ZIC3: variants seen among roughly 807,000 people sequenced by gnomAD.
ZIC3 encodes the protein Zic family zinc finger 3.
A neutral mutation model predicts 18.3 loss-of-function variants in ZIC3; 6 were observed. The observed-to-expected ratio is 0.33, with a 90% confidence interval of 0.18 to 0.65. The LOEUF (loss-of-function observed/expected upper bound fraction) is 0.65, where lower values mean the gene tolerates loss of function less well. Among genes scored for constraint, ZIC3 ranks in the 30% least tolerant of loss-of-function variants. The probability of loss-of-function intolerance (pLI) is 0.75; values close to 1 mark genes in which losing one functional copy is unlikely to be tolerated. For missense variants in ZIC3, 260 were observed against 410.0 expected, an observed-to-expected ratio of 0.63 and a Z score of 3.16; for synonymous variants, 175 against 177.0, an observed-to-expected ratio of 0.99 and a Z score of 0.09.
At chrX:137,572,945 A>C (rs754485050), downstream of ZIC3, among the ~76,000 whole-genome samples, 56 of 110,531 alleles carry the variant, frequency 5.1e-4, no homozygotes, top group Non-Finnish European at 9.1e-4. Flanking sequence ...CCTGTACATG[A>C]TTACCTCTAA....
chrX:137,569,942 G>A lies in ZIC3; in HGVS notation c.1276G>A (p.Glu426Lys). The change falls in exon 3 of 3, where the codon GAA becomes AAA. Residue 426 changes from glutamate to lysine, a missense_variant. Glu to Lys is a moderately conservative substitution (Grantham distance 56). This residue lies in a region of ZIC3 where 52 missense variants were observed against 111.5 expected (regional missense o/e 0.47). Coordinates refer to ENST00000287538, the MANE Select transcript of ZIC3 (RefSeq NM_003413.4). ...DSSPAASSGY[E>K]SSTPPAIASA... is the part of the protein sequence containing the mutation. ...CTCCCCTGCTGCCAGTTCAGGCTAT[G>A]AATCTTCCACTCCACCCGCTATAGC... 8.3e-7 allele frequency: 1 copy of A among 1,211,577 alleles called. No individual in the cohort carries two copies. The highest frequency in any genetic ancestry group is 1.8e-5 in the South Asian group (1 of 56,923).
Position 137,571,210 on chromosome X carries a change from G to T in ZIC3, c.*1140G>T, listed in dbSNP as rs184391484. ...CCTGCCCTACATATATAAACATAAGGTAACCTACTGAATTTTATGTCCCTT... is the reference window on the plus strand; with the variant it reads ...CCTGCCCTACATATATAAACATAAGTTAACCTACTGAATTTTATGTCCCTT... On this transcript the variant is annotated 3_prime_UTR_variant, in exon 3 of 3. Coordinates refer to ENST00000287538, the MANE Select transcript of ZIC3 (RefSeq NM_003413.4). 4.5e-5 allele frequency: 5 copies of T among 112,162 alleles called. No individual in the cohort carries two copies. The East Asian group carries it at 1.4e-3, about 31-fold the overall frequency. The allele number at this position is 112,162 out of a possible 1,213,427, so 9.2% of individuals were successfully genotyped here.
intron 1 of ZIC3, among the ~76,000 whole-genome samples, chrX:137,568,380 A>ATCTG (rs1348795469): frequency 1.8e-5 from 2 of 108,572 alleles, no homozygotes; most frequent in African/African-American, 3.4e-5. Context: ...CTATCTATCT[A>ATCTG]TCTATATTTT....
chrX:137,566,900 A>T lies in ZIC3; in HGVS notation c.209A>T (p.Gln70Leu). ...PAAAHDLSSGQSSAFTPQGSG... is the reference protein window; with the variant it reads ...PAAAHDLSSGLSSAFTPQGSG... ...GCGGCGCACGATCTATCTTCAGGCCAGAGCTCGGCTTTCACGCCGCAGGGT... is the reference window on the plus strand; with the variant it reads ...GCGGCGCACGATCTATCTTCAGGCCTGAGCTCGGCTTTCACGCCGCAGGGT... The change falls in exon 1 of 3, where the codon CAG (glutamine) becomes CTG (leucine). Residue 70 changes from glutamine to leucine, a missense_variant. Transcript: ENST00000287538. 1 of 1,165,063 alleles carries T rather than the reference A, an allele frequency of 8.6e-7. No homozygotes were observed. The highest frequency in any genetic ancestry group is 1.9e-5 in the South Asian group (1 of 52,762).
At chrX:137,573,856 C>A (rs1021825143), downstream of ZIC3, 1 of 112,581 alleles carries the variant, frequency 8.9e-6, no homozygotes, top group African/African-American at 3.2e-5. Flanking sequence ...TGTCCACACA[C>A]CAAGTTCTTG....
At chrX:137,575,723 C>G (rs1241458483), downstream of ZIC3, among the ~76,000 whole-genome samples, 1 of 111,162 alleles carries the variant, frequency 9.0e-6, no homozygotes, top group East Asian at 2.8e-4. Flanking sequence ...CCGTGGGCCA[C>G]CTTGGGAAGG....
chrX:137,566,461 T>G lies in ZIC3; in HGVS notation c.-231T>G. ...TCTCCTCCCTTCTCCTCCCTCCTCC[T>G]CCCCCCGCCAACACCCCCTCCCTGC... is the stretch of plus-strand genomic sequence containing the variant. On this transcript the variant is annotated 5_prime_UTR_variant, in exon 1 of 3. Transcript: ENST00000287538. The G allele has an allele frequency of 5.9e-6, 1 of 169,155 alleles. No individual in the cohort carries two copies. 13.9% of individuals were successfully genotyped at this position (169,155 alleles called of 1,213,427 possible). A position where few individuals can be genotyped will look rare whatever the true frequency, so the allele number is the denominator to read the frequency against.
In ZIC3 at chrX:137,571,872, T is replaced by G. The variant is rs1455112145; in HGVS notation, c.*1802T>G. On this transcript the variant is annotated 3_prime_UTR_variant, in exon 3 of 3. Transcript: ENST00000287538. The stretch of plus-strand genomic sequence containing the variant: ...GAGACCTTTTTTATTAGGGTGCTGT[T>G]TGTTATTGAGAGCCCAATCTCTGCA... Among the ~76,000 whole-genome samples the G allele has an allele frequency of 1.8e-5, 2 of 111,866 alleles. No homozygotes were observed. Among genetic ancestry groups the G allele is most frequent in the Non-Finnish European group, 3.8e-5 (2 of 53,168 alleles).
chrX:137,573,641 C>CG (rs749026071), downstream of ZIC3: 2 of 113,012 alleles, frequency 1.8e-5, no homozygotes, highest in Admixed American at 1.9e-4. Context: ...GTGGAAGAAT[C>CG]GCCAGCAGCG....
chrX:137,567,922 C>T (rs1342652312), intron 1 of ZIC3, among the ~76,000 whole-genome samples, 171 bp downstream of exon 1: 1 of 113,397 alleles, frequency 8.8e-6, no homozygotes, highest in Admixed American at 9.2e-5. Context: ...CTCCCCGTCC[C>T]GTGGCGCCTT....
chrX:137,570,205 C>A lies in ZIC3; in HGVS notation c.*135C>A. The A allele has an allele frequency of 1.2e-6, 1 of 804,672 alleles. No homozygotes were observed. Among genetic ancestry groups the A allele is most frequent in the Non-Finnish European group, 1.8e-6 (1 of 543,179 alleles). The allele number at this position is 804,672 out of a possible 1,213,427, so 66.3% of individuals were successfully genotyped here. The stretch of plus-strand genomic sequence containing the variant: ...GCTACATCTTGTTAATTGCAATTGT[C>A]CAGGAAGGTTTTGGGCAAGATCCAA... On this transcript the variant is annotated 3_prime_UTR_variant, in exon 3 of 3. Coordinates refer to ENST00000287538, the MANE Select transcript of ZIC3 (RefSeq NM_003413.4).
intron 2 of ZIC3, among the ~76,000 whole-genome samples, chrX:137,569,370 G>A (rs1361305899): frequency 8.9e-6 from 1 of 112,292 alleles, no homozygotes; most frequent in African/African-American, 3.2e-5. Flanking sequence ...CTCAGCCCGC[G>A]GTGGGAACCG....
downstream of ZIC3, among the ~76,000 whole-genome samples, chrX:137,575,039 C>G (rs193081638): frequency 0.012 from 1,308 of 111,763 alleles, 18 homozygotes; most frequent in African/African-American, 0.041. Context: ...CCACCTGGCC[C>G]GACCTAAAAC....
Position 137,567,321 on chromosome X carries a change from C to T in ZIC3, c.630C>T (p.Tyr210=), listed in dbSNP as rs779878257. 22 of 1,210,044 alleles carry T rather than the reference C, an allele frequency of 1.8e-5. No homozygotes were observed. The highest frequency in any genetic ancestry group is 2.3e-4 in the Middle Eastern group (1 of 4,375). Residue 210 remains tyrosine (Y), a synonymous_variant, in exon 1 of 3, where the codon TAC becomes TAT. Transcript: ENST00000287538. ...TGGCCAGCCCGCGCACGGACCCCTA[C>T]GCGGCCGGCGCTCAGTTTCCTAACT... ...RPVASPRTDP[Y]AAGAQFPNYS...
chrX:137,575,368 T>A (rs1196763128), downstream of ZIC3, among the ~76,000 whole-genome samples: 1 of 111,250 alleles, frequency 9.0e-6, no homozygotes, highest in Non-Finnish European at 1.9e-5. Context: ...TGATCTTATG[T>A]TAAGGGGAAA....
downstream of ZIC3, among the ~76,000 whole-genome samples, chrX:137,575,601 C>T (rs1931504812): frequency 9.0e-6 from 1 of 111,594 alleles, no homozygotes; most frequent in Non-Finnish European, 1.9e-5. Context: ...ATAAGCGGCA[C>T]GAACTCTTCC....
intron 1 of ZIC3, 178 bp from the exon 2 acceptor site, chrX:137,568,724 C>A: frequency 3.9e-6 from 1 of 255,088 alleles, no homozygotes; most frequent in Non-Finnish European, 7.0e-6. Context: ...CACTCCCAAA[C>A]CCAGCGGGCT....
downstream of ZIC3, among the ~76,000 whole-genome samples, chrX:137,576,321 C>G (rs952191164): frequency 6.3e-5 from 7 of 111,908 alleles, no homozygotes; most frequent in African/African-American, 2.3e-4. Flanking sequence ...ACGGGTTTGT[C>G]CCTTTAAGAG....
In ZIC3 at chrX:137,571,069, A is replaced by C. The variant is rs187801928; in HGVS notation, c.*999A>C. 1 of 112,680 alleles carries C rather than the reference A, an allele frequency of 8.9e-6. No homozygotes were observed. Among genetic ancestry groups the C allele is most frequent in the Non-Finnish European group, 1.9e-5 (1 of 53,267 alleles). 9.3% of individuals were successfully genotyped at this position (112,680 alleles called of 1,213,427 possible). On this transcript the variant is annotated 3_prime_UTR_variant, in exon 3 of 3. Transcript: ENST00000287538. ...CAGATGGTTGTTTAACTGCGAGTTTAAATGTGTTTGTCCTGGATTTTCGGC... is the reference window on the plus strand; with the variant it reads ...CAGATGGTTGTTTAACTGCGAGTTTCAATGTGTTTGTCCTGGATTTTCGGC...
Sources: gnomAD v4.1 joint callset for allele counts (sites outside exome capture counted in the v4.1 genomes callset) on GRCh38, gnomAD v4.1.1 for gene constraint, gnomAD v4.1.1 regional missense constraint, MANE v1.5 for transcripts, NCBI Gene and HGNC (gene_info 2026-07-23, HGNC 2026-07-21) for gene names.